PSTPIP2: variants seen among roughly 807,000 people sequenced by gnomAD.
The protein encoded by PSTPIP2 is proline-serine-threonine phosphatase-interacting protein 2.
PSTPIP2 carries 33 observed loss-of-function variants against 63.3 expected under a neutral mutation model. That is an observed-to-expected ratio of 0.52 (90% CI 0.40 to 0.70). The LOEUF (loss-of-function observed/expected upper bound fraction) is 0.70, where lower values mean the gene tolerates loss of function less well. Among genes scored for constraint, PSTPIP2 ranks in the 30% least tolerant of loss-of-function variants. The probability of loss-of-function intolerance (pLI) is 0.00; values close to 1 mark genes in which losing one functional copy is unlikely to be tolerated. For missense variants in PSTPIP2, 312 were observed against 400.7 expected (o/e 0.78, Z 1.89); for synonymous variants, 125 against 132.7 (o/e 0.94, Z 0.40).
At chr18:46,012,068 C>T (rs186292591) in intron 4 of PSTPIP2, among the ~76,000 whole-genome samples, 1 of 152,000 alleles carries the variant, frequency 6.6e-6, no homozygotes. Context: ...AATACATATT[C>T]CAGTATTTAA....
At chr18:46,037,527 C>T (rs1428471294) in intron 2 of PSTPIP2, among the ~76,000 whole-genome samples, 2 of 152,172 alleles carry the variant, frequency 1.3e-5, no homozygotes, top group Non-Finnish European at 2.9e-5. Context: ...GATGATGGCA[C>T]AAATGCAGCC....
At chr18:46,037,792 C>G (rs1284457868) in intron 2 of PSTPIP2, among the ~76,000 whole-genome samples, 2 of 152,208 alleles carry the variant, frequency 1.3e-5, no homozygotes, top group Non-Finnish European at 2.9e-5. Context: ...ACACTCTGAT[C>G]TAATGCCTGC....
At chr18:46,029,011 G>T in intron 2 of PSTPIP2, 1 of 838,054 alleles carries the variant, frequency 1.2e-6, no homozygotes. Context: ...TGTGATGGTC[G>T]CTGGATTAGA....
At position 46,024,663 on chromosome 18, in the gene PSTPIP2, C is replaced by T. The variant is rs781698262; in HGVS notation, c.158G>A (p.Gly53Asp). Reference protein sequence around the residue: ...KERAAIEERYGKDLLNLSRKK... With the variant: ...KERAAIEERYDKDLLNLSRKK... The stretch of plus-strand genomic sequence containing the variant: ...CCTAGAGAGGTTGAGCAGATCTTTG[C>T]CATACCTCTCTTCAATTGCTGCCCT... The change falls in exon 3 of 15, where the codon GGC (glycine) becomes GAC (aspartate). Residue 53 changes from glycine to aspartate, a missense_variant. Gly to Asp is a moderately conservative substitution (Grantham distance 94). Coordinates refer to ENST00000409746, the MANE Select transcript of PSTPIP2 (RefSeq NM_024430.4). The T allele has an allele frequency of 1.2e-6, 2 of 1,613,910 alleles. No individual in the cohort carries two copies. Among genetic ancestry groups the T allele is most frequent in the East Asian group, 2.2e-5 (1 of 44,892 alleles).
At chr18:45,995,865 G>C (rs936091557) in intron 9 of PSTPIP2, among the ~76,000 whole-genome samples, 3 of 152,220 alleles carry the variant, frequency 2.0e-5, no homozygotes, top group African/African-American at 4.8e-5. Context: ...GCCCAGGCTA[G>C]AGTGTAGTGG....
intron 1 of PSTPIP2, chr18:46,041,091 G>T (rs1214283863): frequency 8.8e-6 from 4 of 456,340 alleles, no homozygotes; most frequent in Non-Finnish European, 1.8e-5. Context: ...AGGGTCAAGG[G>T]TATCTCTACA....
At chr18:45,997,703 C>CCA in intron 9 of PSTPIP2, 46 bp downstream of exon 9, 2 of 321,034 alleles carry the variant, frequency 6.2e-6, no homozygotes, top group South Asian at 4.4e-5. Flanking sequence ...TTACACACAC[C>CCA]CCCACCCACC....
chr18:46,048,919 C>A (rs1239983286), intron 1 of PSTPIP2, among the ~76,000 whole-genome samples: 2 of 151,446 alleles, frequency 1.3e-5, no homozygotes, highest in Admixed American at 1.3e-4. Context: ...AGAAAATATC[C>A]TTATATTTAG....
intron 6 of PSTPIP2, among the ~76,000 whole-genome samples, chr18:46,000,907 GC>G (rs1430646863): frequency 6.6e-6 from 1 of 152,130 alleles, no homozygotes; most frequent in Non-Finnish European, 1.5e-5. Context: ...GAATCAGTTA[GC>G]TAATAAATAA....
intron 4 of PSTPIP2, among the ~76,000 whole-genome samples, chr18:46,012,356 C>A (rs2144083748): frequency 6.6e-6 from 1 of 151,950 alleles, no homozygotes; most frequent in South Asian, 2.1e-4. Context: ...CGAGGCAGAT[C>A]TATATGAATT....
At chr18:46,048,305 C>A (rs1345575056) in intron 1 of PSTPIP2, among the ~76,000 whole-genome samples, 2 of 152,228 alleles carry the variant, frequency 1.3e-5, no homozygotes, top group African/African-American at 4.8e-5. Context: ...AAAAGAGATT[C>A]TGCCCTACAA....
At chr18:45,994,861 A>T (rs530017098) in intron 9 of PSTPIP2, among the ~76,000 whole-genome samples, 1 of 152,260 alleles carries the variant, frequency 6.6e-6, no homozygotes, top group East Asian at 1.9e-4. Context: ...TATTGTTGTT[A>T]TGGAATATTT....
intron 12 of PSTPIP2, 51 bp from the exon 13 acceptor site, chr18:45,990,807 T>C (rs767202772): frequency 6.9e-7 from 1 of 1,457,374 alleles, no homozygotes; most frequent in Admixed American, 1.8e-5. Flanking sequence ...GTTATTTTTA[T>C]AATCTTTTTA....
At chr18:45,999,555 A>G (rs1368980754) in intron 6 of PSTPIP2, 21 bp from the exon 7 acceptor site, 1 of 1,612,850 alleles carries the variant, frequency 6.2e-7, no homozygotes, top group Admixed American at 1.7e-5. Context: ...ATGAACAAAG[A>G]GAACCAAAAC....
intron 3 of PSTPIP2, among the ~76,000 whole-genome samples, chr18:46,022,840 A>T (rs149072939): frequency 2.8e-4 from 42 of 152,286 alleles, no homozygotes; most frequent in African/African-American, 9.9e-4. Context: ...TTATGAAATG[A>T]TGCAAGGAAG....
chr18:45,988,122 A>T (rs2051486192), intron 14 of PSTPIP2, among the ~76,000 whole-genome samples: 1 of 152,130 alleles, frequency 6.6e-6, no homozygotes, highest in South Asian at 2.1e-4. Context: ...AATAACTATA[A>T]AAGAGCTTAA....
chr18:45,999,073 T>C (rs1375800811), intron 7 of PSTPIP2, among the ~76,000 whole-genome samples: 1 of 152,148 alleles, frequency 6.6e-6, no homozygotes, highest in African/African-American at 2.4e-5. Flanking sequence ...CACCCAGCCC[T>C]CTGGTTGCAG....
chr18:46,068,459 G>A (rs771104518), intron 1 of PSTPIP2, among the ~76,000 whole-genome samples: 2 of 151,978 alleles, frequency 1.3e-5, no homozygotes, highest in South Asian at 2.1e-4. Flanking sequence ...CACCATGCCC[G>A]GGTAATTTTT....
chr18:45,991,990 G>C lies in PSTPIP2; in HGVS notation c.839-7C>G. The C allele has an allele frequency of 6.2e-7, 1 of 1,608,308 alleles. No homozygotes were observed. The highest frequency in any genetic ancestry group is 8.5e-7 in the Non-Finnish European group (1 of 1,174,844). ...TTCTCATACATGATGGGTGCTAGGA[G>C]AGTCACCAAGAAACAGGACATGAAG... On this transcript the variant is annotated splice_region_variant and splice_polypyrimidine_tract_variant and intron_variant, in intron 11 of 14. Coordinates refer to ENST00000409746, the MANE Select transcript of PSTPIP2 (RefSeq NM_024430.4).
Sources: gnomAD v4.1 joint callset for allele counts (sites outside exome capture counted in the v4.1 genomes callset) on GRCh38, gnomAD v4.1.1 for gene constraint, MANE v1.5 for transcripts, NCBI Gene and HGNC (gene_info 2026-07-23, HGNC 2026-07-21) for gene names.